The following PALB2 variants were observed in gnomAD, a reference collection of about 807,000 sequenced individuals.
The protein encoded by PALB2 is partner and localizer of BRCA2, also known as mutant partner and localizer of BRCA2.
A neutral mutation model predicts 107.4 loss-of-function variants in PALB2; 82 were observed. The observed-to-expected ratio is 0.76, with a 90% confidence interval of 0.64 to 0.92. The LOEUF (loss-of-function observed/expected upper bound fraction) is 0.92. Among genes scored for constraint, PALB2 ranks in the 40% least tolerant of loss-of-function variants. PALB2 has a pLI of 0.00. For missense variants in PALB2, 1,374 were observed against 1,379.9 expected (o/e 1.00, Z 0.07); for synonymous variants, 489 against 496.8 (o/e 0.98, Z 0.21).
chr16:23,608,801 T>TATATATACACACACACACACAC lies in PALB2; in HGVS notation c.3202-790_3202-789insGTGTGTGTGTGTGTGTATATAT, dbSNP rs560756242. On this transcript the variant is annotated intron_variant, in intron 11 of 12. Transcript: ENST00000261584. ...ATATTACTGTATGTGTGTATATATA[T>TATATATACACACACACACACAC]ACACACACACACACACACACACATA... 7.5e-4 allele frequency among the ~76,000 whole-genome samples: 108 copies of TATATATACACACACACACACAC among 143,802 alleles called. 1 individual carries two copies. Among genetic ancestry groups the TATATATACACACACACACACAC allele is most frequent in the Middle Eastern group, 7.0e-3 (2 of 284 alleles). 94.3% of individuals were successfully genotyped at this position (143,802 alleles called of 152,430 possible). A position where few individuals can be genotyped will look rare whatever the true frequency, so the allele number is the denominator to read the frequency against.
At chr16:23,612,899 T>G (rs1450138789) in intron 11 of PALB2, among the ~76,000 whole-genome samples, 1 of 152,070 alleles carries the variant, frequency 6.6e-6, no homozygotes, top group Non-Finnish European at 1.5e-5. Flanking sequence ...ATTACAGGCA[T>G]GCGCCACCAC....
intron 11 of PALB2, among the ~76,000 whole-genome samples, chr16:23,608,786 ATG>A (rs1400219395): frequency 2.1e-5 from 3 of 143,648 alleles, no homozygotes; most frequent in African/African-American, 5.2e-5. Context: ...ATATTACTGT[ATG>A]TGTGTATATA....
At chr16:23,633,067 C>CG (rs1182012596) in intron 4 of PALB2, among the ~76,000 whole-genome samples, 2 of 151,790 alleles carry the variant, frequency 1.3e-5, no homozygotes, top group African/African-American at 2.4e-5. Context: ...GCACCCTATC[C>CG]GGGGCGACAA....
At position 23,630,127 on chromosome 16, in the gene PALB2, A is replaced by G. The variant is rs200875161; in HGVS notation, c.2027T>C (p.Ile676Thr). ...GGGATGTGATTTTCCTGGTAGAACA[A>G]TAAGGTCCTCTTCTAAGTCCTCCAT... Reference protein sequence around the residue: ...TEMEDLEEDLIVLPGKSHPKR... With the variant: ...TEMEDLEEDLTVLPGKSHPKR... The change falls in exon 5 of 13, where the codon ATT (isoleucine) becomes ACT (threonine). Residue 676 changes from isoleucine (I) to threonine (T), a missense_variant. Transcript: ENST00000261584. The G allele has an allele frequency of 1.4e-4, 230 of 1,614,160 alleles. 2 individuals are homozygous for G. The Admixed American group carries it at 3.8e-3, about 26-fold the overall frequency.
In PALB2 at chr16:23,635,036, C is replaced by T. The variant is rs771846754; in HGVS notation, c.1510G>A (p.Val504Ile). ...TATCTTCTACCAGGTGCTTGGGCAA[C>T]TGCCTTCCTAGACAAGTCATTATCT... The part of the protein sequence containing the change: ...TEDNDLSRKA[V>I]AQAPGRRYTG... Residue 504 changes from valine (V) to isoleucine (I), a missense_variant, in exon 4 of 13, where the codon GTT (valine) becomes ATT (isoleucine). Val to Ile is a conservative substitution (Grantham distance 29, BLOSUM62 3). Transcript: ENST00000261584. 3 of 1,614,138 alleles carry T rather than the reference C, an allele frequency of 1.9e-6. No individual in the cohort carries two copies. The highest frequency in any genetic ancestry group is 1.7e-5 in the Admixed American group (1 of 60,016).
Position 23,621,465 on chromosome 16 carries a change from G to C in PALB2, c.3010C>G (p.Gln1004Glu), listed in dbSNP as rs2142328321. 1 of 1,612,764 alleles carries C rather than the reference G, an allele frequency of 6.2e-7. No homozygotes were observed. Among genetic ancestry groups the C allele is most frequent in the South Asian group, 1.1e-5 (1 of 91,052 alleles). The change falls in exon 10 of 13, where the codon CAA becomes GAA. Residue 1004 changes from glutamine to glutamate, a missense_variant. Gln to Glu is a conservative substitution (Grantham distance 29). Transcript: ENST00000261584. ...FAEDGGGKEN[Q>E]FLMPPEETIL... ...GTCTCCTCAGGGGGCATCAAAAATT[G>C]GTTTTCTTTGCCTCTGTAATTAAAA...
At position 23,635,968 on chromosome 16, in the gene PALB2, G is replaced by A. The variant is rs876659823; in HGVS notation, c.578C>T (p.Thr193Ile). 6.2e-7 allele frequency: 1 copy of A among 1,614,142 alleles called. No homozygotes were observed. Among genetic ancestry groups the A allele is most frequent in the Non-Finnish European group, 8.5e-7 (1 of 1,180,040 alleles). Residue 193 changes from threonine to isoleucine, a missense_variant, in exon 4 of 13, where the codon ACT becomes ATT. By Grantham distance (89) the Thr-to-Ile change is moderately conservative (BLOSUM62 -1). Coordinates refer to ENST00000261584, the MANE Select transcript of PALB2 (RefSeq NM_024675.4). Reference protein sequence around the residue: ...SSKNPARSPVTEIRTHLLSLK... With the variant: ...SSKNPARSPVIEIRTHLLSLK... Reference sequence around the variant, plus strand: ...ACTTAAAAGGTGAGTTCTTATTTCAGTTACTGGTGATCTAGCAGGATTTTT... The same window carrying A: ...ACTTAAAAGGTGAGTTCTTATTTCAATTACTGGTGATCTAGCAGGATTTTT...
intron 10 of PALB2, among the ~76,000 whole-genome samples, chr16:23,618,507 C>T (rs995007710): frequency 1.3e-5 from 2 of 151,892 alleles, no homozygotes; most frequent in Non-Finnish European, 2.9e-5. Flanking sequence ...CAAACATGGG[C>T]CCCTGTAAAG....
At chr16:23,628,900 CT>C (rs1966852618) in intron 6 of PALB2, among the ~76,000 whole-genome samples, 1 of 152,158 alleles carries the variant, frequency 6.6e-6, no homozygotes, top group East Asian at 1.9e-4. Flanking sequence ...TCCCAAAGTG[CT>C]GAGATTATAG....
In PALB2 at chr16:23,641,276, C is replaced by A; in HGVS notation, c.-119G>T. ...GGAAGGAATGGGGAGCCCGGGATCG[C>A]ACCCTCAGTGCGCGATCAGCTGACC... is the stretch of plus-strand genomic sequence containing the variant. On this transcript the variant is annotated 5_prime_UTR_variant, in exon 1 of 13. Transcript: ENST00000261584. The A allele has an allele frequency of 7.5e-7, 1 of 1,332,596 alleles. No individual in the cohort carries two copies. Among genetic ancestry groups the A allele is most frequent in the South Asian group, 1.3e-5 (1 of 79,658 alleles). 82.5% of individuals were successfully genotyped at this position (1,332,596 alleles called of 1,614,324 possible).
intron 12 of PALB2, among the ~76,000 whole-genome samples, chr16:23,606,713 C>T (rs759824049): frequency 3.3e-5 from 5 of 151,354 alleles, no homozygotes; most frequent in South Asian, 2.1e-4. Context: ...TTAGTAGAGA[C>T]GGGGTTTCAC....
At chr16:23,640,824 G>A (rs28384490) in intron 1 of PALB2, 218 of 383,460 alleles carry the variant, frequency 5.7e-4, no homozygotes, top group East Asian at 3.7e-3. Flanking sequence ...TAAAGATTGA[G>A]GGTGTGGGAG....
chr16:23,638,691 AAAAC>A (rs1967126977), intron 1 of PALB2: 2 of 363,336 alleles, frequency 5.5e-6, no homozygotes, highest in Admixed American at 7.5e-5. Context: ...AATAAATAAG[AAAAC>A]AAACAGAAAT....
chr16:23,626,315 G>C lies in PALB2; in HGVS notation c.2669C>G (p.Ala890Gly), dbSNP rs1966842597. The change falls in exon 7 of 13, where the codon GCT (alanine) becomes GGT (glycine). Residue 890 changes from alanine (A) to glycine (G), a missense_variant. Transcript: ENST00000261584. ...CCAAAGAGAAACTACATCTTCGCAAGCAGTTATGATACATGGCTCTTTACA... is the reference window on the plus strand; with the variant it reads ...CCAAAGAGAAACTACATCTTCGCAACCAGTTATGATACATGGCTCTTTACA... Reference protein sequence around the residue: ...AGCKEPCIITACEDVVSLWKA... With the variant: ...AGCKEPCIITGCEDVVSLWKA... The C allele has an allele frequency of 1.9e-6, 3 of 1,614,188 alleles. No homozygotes were observed. In the South Asian group the frequency reaches 3.3e-5, roughly 18 times the overall value.
intron 11 of PALB2, among the ~76,000 whole-genome samples, chr16:23,608,484 G>A (rs931765916): frequency 3.9e-5 from 6 of 152,088 alleles, no homozygotes; most frequent in Non-Finnish European, 8.8e-5. Context: ...TTCATTTGGG[G>A]AAATATTGGC....
At chr16:23,638,436 C>G in intron 1 of PALB2, 1 of 479,934 alleles carries the variant, frequency 2.1e-6, no homozygotes, top group Non-Finnish European at 3.9e-6. Context: ...AGACACTCTA[C>G]CAGTCCTCTG....
Position 23,626,397 on chromosome 16 carries a change from T to C in PALB2, c.2587A>G (p.Asn863Asp), listed in dbSNP as rs776407568. The C allele has an allele frequency of 1.2e-6, 2 of 1,614,184 alleles. No homozygotes were observed. Among genetic ancestry groups the C allele is most frequent in the Admixed American group, 3.3e-5 (2 of 60,020 alleles). The change falls in exon 7 of 13, where the codon AAT becomes GAT. Residue 863 changes from asparagine (N) to aspartate (D), a missense_variant and splice_region_variant. Coordinates refer to ENST00000261584, the MANE Select transcript of PALB2 (RefSeq NM_024675.4). ...TCTACGGAACAGGAACCTGAAGGAT[T>C]CTGACACAATGGCAACAGTTCTGTT... ...GNLQLVSELK[N>D]PSGSCSVDVS...
At chr16:23,618,608 C>A (rs938012320) in intron 10 of PALB2, among the ~76,000 whole-genome samples, 8 of 151,532 alleles carry the variant, frequency 5.3e-5, no homozygotes, top group South Asian at 2.1e-4. Flanking sequence ...CCCAGGCATT[C>A]GAGGTTGCAG....
In PALB2 at chr16:23,603,746, A is replaced by G. The variant is rs1398461353; in HGVS notation, c.3351-77T>C. The G allele has an allele frequency of 1.6e-5, 22 of 1,367,044 alleles. No individual in the cohort carries two copies. In the East Asian group the frequency reaches 5.1e-4, roughly 32 times the overall value. The allele number at this position is 1,367,044 out of a possible 1,614,324, so 84.7% of individuals were successfully genotyped here. A position where few individuals can be genotyped will look rare whatever the true frequency, so the allele number is the denominator to read the frequency against. The stretch of plus-strand genomic sequence containing the variant: ...TAAAAAAAAAAAAAAGGTCAAAACC[A>G]TGTTCCCAAAACCAGCAACAGGAAC... On this transcript the variant is annotated intron_variant, in intron 12 of 12. Coordinates refer to ENST00000261584, the MANE Select transcript of PALB2 (RefSeq NM_024675.4).
Sources: allele counts gnomAD v4.1 joint callset (sites outside exome capture counted in the v4.1 genomes callset), GRCh38; gene constraint gnomAD v4.1.1; transcripts MANE v1.5; gene names NCBI Gene and HGNC (gene_info 2026-07-23, HGNC 2026-07-21).